MCM8: variants seen among roughly 807,000 people sequenced by gnomAD.
MCM8 encodes the protein DNA helicase MCM8.
In MCM8, 85 loss-of-function variants were observed where a neutral mutation model predicts 98.9. The observed-to-expected ratio is 0.86, with a 90% confidence interval of 0.72 to 1.03. The LOEUF (loss-of-function observed/expected upper bound fraction) is 1.03, where lower values mean the gene tolerates loss of function less well. MCM8 is among the 50% of genes least tolerant of loss of function. MCM8 has a pLI of 0.00. For synonymous variants in MCM8, 352 were observed against 338.6 expected (o/e 1.04, Z -0.44); for missense variants, 951 against 997.8 (o/e 0.95, Z 0.63).
chr20:5,968,282 C>T (rs923946394), intron 10 of MCM8, among the ~76,000 whole-genome samples: 1 of 152,188 alleles, frequency 6.6e-6, no homozygotes, highest in African/African-American at 2.4e-5. Flanking sequence ...TGGTGGCTCA[C>T]GCCTGTAATC....
intron 17 of MCM8, among the ~76,000 whole-genome samples, chr20:5,990,425 C>T (rs988803803): frequency 1.3e-5 from 2 of 152,134 alleles, no homozygotes; most frequent in African/African-American, 4.8e-5. Context: ...TGATTCAGTA[C>T]TAGGGTTTGA....
rs762414628 is a variant in MCM8 at position 5,985,931 on chromosome 20, G to C, written c.1963G>C (p.Gly655Arg). 1 of 1,614,122 alleles carries C rather than the reference G, an allele frequency of 6.2e-7. No individual in the cohort carries two copies. The highest frequency in any genetic ancestry group is 8.5e-7 in the Non-Finnish European group (1 of 1,179,970). ...TTTAATCATGCTTCAGGTGGTTCCT[G>C]GAGAAACAATAGATCCCATTCCCCA... The part of the protein sequence containing the change: ...PLSERLKVVP[G>R]ETIDPIPHQL... Residue 655 changes from glycine (G) to arginine (R), a missense_variant, in exon 16 of 19, where the codon GGA (glycine) becomes CGA (arginine). Coordinates refer to ENST00000610722, the MANE Select transcript of MCM8 (RefSeq NM_032485.6).
chr20:5,985,810 C>A, intron 15 of MCM8, 112 bp from the exon 16 acceptor site: 1 of 1,026,778 alleles, frequency 9.7e-7, no homozygotes. Flanking sequence ...CCTCCCAAAG[C>A]GCAGGGATTA....
At chr20:5,987,470 C>T in intron 17 of MCM8, 112 bp downstream of exon 17, 1 of 728,284 alleles carries the variant, frequency 1.4e-6, no homozygotes. Context: ...ACTTATTTTC[C>T]TCCTAAACAG....
chr20:5,998,528 G>A lies in MCM8; in HGVS notation c.*4137G>A, dbSNP rs2122873143. 1 of 152,366 alleles carries A rather than the reference G, an allele frequency of 6.6e-6. No individual in the cohort carries two copies. Among genetic ancestry groups the A allele is most frequent in the African/African-American group, 2.4e-5 (1 of 41,574 alleles). The allele number at this position is 152,366 out of a possible 1,614,324, so 9.4% of individuals were successfully genotyped here. Reference sequence around the variant, plus strand: ...CTGATTCTTCACCTTTCTCATTATTGTGGGGTAGCAGCGCCTCTGGCAAGC... The same window carrying A: ...CTGATTCTTCACCTTTCTCATTATTATGGGGTAGCAGCGCCTCTGGCAAGC... On this transcript the variant is annotated 3_prime_UTR_variant, in exon 19 of 19. Transcript: ENST00000610722.
At chr20:5,975,372 G>T (rs1482388418) in intron 12 of MCM8, among the ~76,000 whole-genome samples, 1 of 151,932 alleles carries the variant, frequency 6.6e-6, no homozygotes, top group Non-Finnish European at 1.5e-5. Context: ...ACCTGTTCGT[G>T]TGTGTAACTT....
rs540992714 is a variant in MCM8 at position 5,963,469 on chromosome 20, A to G, written c.875+110A>G. ...ACGTTTTATCTAAATGACAAAGTGT[A>G]TAATAGTGTATAATAGATGGTTTAT... On this transcript the variant is annotated intron_variant, in intron 8 of 18. Coordinates refer to ENST00000610722, the MANE Select transcript of MCM8 (RefSeq NM_032485.6). 80 of 618,724 alleles carry G rather than the reference A, an allele frequency of 1.3e-4. No individual in the cohort carries two copies. The South Asian group carries it at 1.5e-3, about 12-fold the overall frequency. The allele number at this position is 618,724 out of a possible 1,614,324, so 38.3% of individuals were successfully genotyped here.
chr20:5,979,306 G>A (rs1297222851), intron 13 of MCM8, among the ~76,000 whole-genome samples: 1 of 151,776 alleles, frequency 6.6e-6, no homozygotes, highest in Non-Finnish European at 1.5e-5. Flanking sequence ...CTTAGTTCTT[G>A]GACCTTTTGT....
chr20:5,957,071 G>A, intron 5 of MCM8, 55 bp from the exon 6 acceptor site: 1 of 1,152,436 alleles, frequency 8.7e-7, no homozygotes, highest in South Asian at 1.3e-5. Context: ...ATAGAGTTCT[G>A]TATAAAGAGG....
At chr20:5,975,068 G>A (rs566891370) in intron 12 of MCM8, among the ~76,000 whole-genome samples, 1 of 152,254 alleles carries the variant, frequency 6.6e-6, no homozygotes, top group African/African-American at 2.4e-5. Flanking sequence ...AGACCAGCCT[G>A]TGCAACAAAG....
At chr20:5,958,102 G>A (rs2089034633) in intron 6 of MCM8, among the ~76,000 whole-genome samples, 1 of 152,210 alleles carries the variant, frequency 6.6e-6, no homozygotes, top group Admixed American at 6.5e-5. Context: ...GCTGGGCACG[G>A]TGGCTCATGC....
At chr20:5,993,076 G>T (rs1278112635) in intron 17 of MCM8, among the ~76,000 whole-genome samples, 1 of 152,128 alleles carries the variant, frequency 6.6e-6, no homozygotes, top group Non-Finnish European at 1.5e-5. Flanking sequence ...AACCTTTCTA[G>T]TTCATTCCTA....
rs188507142 is a variant in MCM8 at position 5,976,610 on chromosome 20, A to G, written c.1396-1266A>G. Among the ~76,000 whole-genome samples the G allele has an allele frequency of 6.6e-5, 10 of 152,346 alleles. No individual in the cohort carries two copies. The East Asian group carries it at 1.2e-3, about 18-fold the overall frequency. On this transcript the variant is annotated intron_variant, in intron 12 of 18. Transcript: ENST00000610722. Reference sequence around the variant, plus strand: ...CAGGTACCGGGGCTTAAACTATCACAAAGAGATAAATGTAGGGGTTTTGGG... The same window carrying G: ...CAGGTACCGGGGCTTAAACTATCACGAAGAGATAAATGTAGGGGTTTTGGG...
intron 16 of MCM8, 41 bp from the exon 17 acceptor site, chr20:5,987,241 A>G (rs1358403102): frequency 6.4e-7 from 1 of 1,565,764 alleles, no homozygotes; most frequent in Non-Finnish European, 8.8e-7. Flanking sequence ...TGGTAAATAT[A>G]TTCATCTTTC....
rs758770447 is a variant in MCM8, at chr20:5,963,336, T to TA, written c.853dup (p.Thr285AsnfsTer15). ...CTCTCCGCAGCTCTCCTCTCACAGTTACGATGGACTGGCAGTCAATCAAGT... is the reference window on the plus strand; with the variant it reads ...CTCTCCGCAGCTCTCCTCTCACAGTTAACGATGGACTGGCAGTCAATCAAGT... On this transcript the variant is annotated frameshift_variant, in exon 8 of 19. Transcript: ENST00000610722. LOFTEE classifies it high-confidence loss of function. The TA allele has an allele frequency of 1.9e-6, 3 of 1,613,900 alleles. No homozygotes were observed. The highest frequency in any genetic ancestry group is 2.2e-5 in the South Asian group (2 of 91,080).
At chr20:5,971,718 C>T (rs2089407107) in intron 10 of MCM8, among the ~76,000 whole-genome samples, 1 of 152,156 alleles carries the variant, frequency 6.6e-6, no homozygotes, top group East Asian at 1.9e-4. Flanking sequence ...GATTGTGACG[C>T]ATTTTAAGGC....
At position 5,958,526 on chromosome 20, in the gene MCM8, A is replaced by T. The variant is rs912563249; in HGVS notation, c.591-2A>T. The T allele has an allele frequency of 1.2e-6, 2 of 1,611,968 alleles. No individual in the cohort carries two copies. The highest frequency in any genetic ancestry group is 1.7e-6 in the Non-Finnish European group (2 of 1,178,788). On this transcript the variant is annotated splice_acceptor_variant, in intron 6 of 18. Coordinates refer to ENST00000610722, the MANE Select transcript of MCM8 (RefSeq NM_032485.6). LOFTEE classifies it high-confidence loss of function. Reference sequence around the variant, plus strand: ...GTTCATTACTTCCTGTTTTGTCTTTAGGGTGTACAACTATGAGCCTTTGAC... The same window carrying T: ...GTTCATTACTTCCTGTTTTGTCTTTTGGGTGTACAACTATGAGCCTTTGAC...
chr20:5,975,729 C>T (rs1023313060), intron 12 of MCM8, among the ~76,000 whole-genome samples: 1 of 151,556 alleles, frequency 6.6e-6, no homozygotes, highest in Non-Finnish European at 1.5e-5. Flanking sequence ...ATCTCCTGAC[C>T]TTGTGATCCG....
At chr20:5,958,841 A>C (rs2089059293) in intron 7 of MCM8, 115 bp downstream of exon 7, 1 of 955,130 alleles carries the variant, frequency 1.0e-6, no homozygotes, top group African/African-American at 1.7e-5. Context: ...TTTTATTTTC[A>C]ATTTTCTGCT....
Sources: gnomAD v4.1 joint callset for allele counts (sites outside exome capture counted in the v4.1 genomes callset) on GRCh38, gnomAD v4.1.1 for gene constraint, MANE v1.5 for transcripts, NCBI Gene and HGNC (gene_info 2026-07-23, HGNC 2026-07-21) for gene names.